IGSF10: variants seen among roughly 807,000 people sequenced by gnomAD.
The protein encoded by IGSF10 is immunoglobulin superfamily member 10.
In IGSF10, 126 loss-of-function variants were observed where a neutral mutation model predicts 128.2. That is an observed-to-expected ratio of 0.98 (90% CI 0.85 to 1.14). The LOEUF is 1.14. Ranked by LOEUF, IGSF10 falls within the 50% of genes most tolerant of loss-of-function variation. The probability of loss-of-function intolerance (pLI) is 0.00; values close to 1 mark genes in which losing one functional copy is unlikely to be tolerated. For missense variants in IGSF10, 3,295 were observed against 3,149.8 expected (o/e 1.05, Z -1.10); for synonymous variants, 1,185 against 1,146.2 (o/e 1.03, Z -0.68).
the IGSF10 span, among the ~76,000 whole-genome samples, chr3:151,491,065 G>A: frequency 2.6e-5 from 4 of 152,046 alleles, no homozygotes; most frequent in Admixed American, 6.6e-5. Flanking sequence ...ATAAAACCAA[G>A]TTGATTCTTT....
chr3:151,562,032 A>G, the IGSF10 span, among the ~76,000 whole-genome samples: 3 of 152,194 alleles, frequency 2.0e-5, no homozygotes, highest in South Asian at 4.1e-4. Context: ...GCTGAGTACA[A>G]TAAGGCTGAG....
At chr3:151,592,119 C>T in the IGSF10 span, among the ~76,000 whole-genome samples, 13 of 152,074 alleles carry the variant, frequency 8.5e-5, 1 homozygote, top group East Asian at 2.5e-3. Context: ...CAAAATTTTA[C>T]CAGTTGTATG....
chr3:151,466,516 T>G, the IGSF10 span, among the ~76,000 whole-genome samples: 1 of 152,224 alleles, frequency 6.6e-6, no homozygotes, highest in Admixed American at 6.5e-5. Context: ...CTCCACCTTC[T>G]GGAACTCCAG....
chr3:151,511,418 G>A, the IGSF10 span, among the ~76,000 whole-genome samples: 2 of 152,314 alleles, frequency 1.3e-5, no homozygotes, highest in African/African-American at 2.4e-5. Context: ...CAAATGCTGA[G>A]AGATTTTGTC....
chr3:151,607,912 GAAAAAAAAAAAAAAA>G, the IGSF10 span, among the ~76,000 whole-genome samples: 20 of 42,064 alleles, frequency 4.8e-4, no homozygotes, highest in Non-Finnish European at 7.9e-4. Context: ...CTCCATCTCG[GAAAAAAAAAAAAAAA>G]AAAAAAAAAA....
chr3:151,579,826 G>T, the IGSF10 span, among the ~76,000 whole-genome samples: 3,870 of 91,664 alleles, frequency 0.042, 170 homozygotes, highest in African/African-American at 0.11. Flanking sequence ...AAGGAAAGAA[G>T]AAAGGAAGGA....
the IGSF10 span, among the ~76,000 whole-genome samples, chr3:151,511,815 T>C: frequency 6.6e-6 from 1 of 152,310 alleles, no homozygotes; most frequent in Non-Finnish European, 1.5e-5. Context: ...GTTGTAATCC[T>C]AGTCTCGGAT....
the IGSF10 span, among the ~76,000 whole-genome samples, chr3:151,518,195 T>A: frequency 6.6e-6 from 1 of 152,008 alleles, no homozygotes; most frequent in African/African-American, 2.4e-5. Context: ...CTTGTGCCAA[T>A]CACTGAGTTT....
chr3:151,569,736 C>CT, the IGSF10 span, among the ~76,000 whole-genome samples: 2 of 151,908 alleles, frequency 1.3e-5, no homozygotes, highest in East Asian at 3.9e-4. Flanking sequence ...ATTTTTTAAT[C>CT]TTTTTTTTAA....
the IGSF10 span, among the ~76,000 whole-genome samples, chr3:151,531,154 A>G: frequency 2.0e-5 from 3 of 152,334 alleles, no homozygotes; most frequent in South Asian, 6.2e-4. Flanking sequence ...CTAAATATAT[A>G]TGCATCAAAT....
the IGSF10 span, among the ~76,000 whole-genome samples, chr3:151,532,182 A>G: frequency 1.3e-5 from 2 of 152,230 alleles, no homozygotes; most frequent in South Asian, 4.1e-4. Context: ...TGAGGCAGTA[A>G]TTAATAGCCT....
At chr3:151,486,310 A>G in the IGSF10 span, among the ~76,000 whole-genome samples, 1 of 152,342 alleles carries the variant, frequency 6.6e-6, no homozygotes, top group East Asian at 1.9e-4. Flanking sequence ...GAGCACCCAG[A>G]TACATAAAGC....
the IGSF10 span, among the ~76,000 whole-genome samples, chr3:151,550,767 A>T: frequency 6.6e-6 from 1 of 152,178 alleles, no homozygotes; most frequent in East Asian, 1.9e-4. Context: ...CCAGCACCAA[A>T]TTAGATTGTG....
chr3:151,610,160 G>T, the IGSF10 span, among the ~76,000 whole-genome samples: 1 of 152,120 alleles, frequency 6.6e-6, no homozygotes, highest in Non-Finnish European at 1.5e-5. Context: ...GTGGCAGTTG[G>T]GTGGAAGGAG....
At chr3:151,496,737 C>T in the IGSF10 span, among the ~76,000 whole-genome samples, 18 of 151,738 alleles carry the variant, frequency 1.2e-4, no homozygotes, top group African/African-American at 4.4e-4. Flanking sequence ...AGTTCTAGAT[C>T]CCTGAGGAAT....
At chr3:151,549,448 T>G in the IGSF10 span, among the ~76,000 whole-genome samples, 3 of 152,228 alleles carry the variant, frequency 2.0e-5, no homozygotes, top group Non-Finnish European at 4.4e-5. Context: ...TTCCAGTTTT[T>G]GTCCTATCTT....
chr3:151,605,843 T>C, the IGSF10 span, among the ~76,000 whole-genome samples: 10 of 152,178 alleles, frequency 6.6e-5, no homozygotes, highest in Admixed American at 4.6e-4. Flanking sequence ...AGCTTTCTAT[T>C]GTAGTGGTTT....
chr3:151,509,208 C>T, the IGSF10 span, among the ~76,000 whole-genome samples: 1 of 152,148 alleles, frequency 6.6e-6, no homozygotes, highest in Non-Finnish European at 1.5e-5. Context: ...TATTAAACTG[C>T]TAACCAAGCA....
At chr3:151,476,308 G>C in the IGSF10 span, 1 of 152,670 alleles carries the variant, frequency 6.6e-6, no homozygotes, top group Non-Finnish European at 1.5e-5. Flanking sequence ...TGAACCCTGA[G>C]AGTGTGCCAA....
Sources: gnomAD v4.1 joint callset for allele counts (sites outside exome capture counted in the v4.1 genomes callset) on GRCh38, gnomAD v4.1.1 for gene constraint, MANE v1.5 for transcripts, NCBI Gene and HGNC (gene_info 2026-07-23, HGNC 2026-07-21) for gene names.